Variants in NFYA observed in about 807,000 individuals in gnomAD.
The protein encoded by NFYA is nuclear transcription factor Y subunit alpha.
A neutral mutation model predicts 52.8 loss-of-function variants in NFYA; 28 were observed. The ratio of observed to expected loss-of-function variants is 0.53; its 90% CI spans 0.39 to 0.73. NFYA has a LOEUF of 0.73. Among genes scored for constraint, NFYA ranks in the 30% least tolerant of loss-of-function variants. The pLI, the probability that NFYA is intolerant of heterozygous loss-of-function variation, is 0.00. For synonymous variants in NFYA, 150 were observed against 150.7 expected (o/e 1.00, Z 0.03); for missense variants, 234 against 427.0 (o/e 0.55, Z 3.98).
intron 4 of NFYA, among the ~76,000 whole-genome samples, chr6:41,089,314 A>G (rs1360993745): frequency 6.6e-6 from 1 of 152,150 alleles, no homozygotes; most frequent in Non-Finnish European, 1.5e-5. Flanking sequence ...CATGCTTTTC[A>G]ATATATATAA....
At position 41,101,852 on chromosome 6, in the gene NFYA, G is replaced by A. The variant is rs1163498439; in HGVS notation, c.*4442G>A. 6.6e-6 allele frequency among the ~76,000 whole-genome samples: 1 copy of A among 152,176 alleles called. No homozygotes were observed. The highest frequency in any genetic ancestry group is 1.9e-4 in the East Asian group (1 of 5,190). ...CCCAGTGGCAGCAGCAACCAACCTG[G>A]CCCTTAGTAGTTTCTAAGTTACACC... On this transcript the variant is annotated 3_prime_UTR_variant, in exon 10 of 10. Transcript: ENST00000341376.
Position 41,090,224 on chromosome 6 carries a change from C to T in NFYA, c.462C>T (p.Val154=). 1 of 1,613,382 alleles carries T rather than the reference C, an allele frequency of 6.2e-7. No homozygotes were observed. Residue 154 remains valine (V), a synonymous_variant, in exon 6 of 10, where the codon GTC becomes GTT. Transcript: ENST00000341376. ...TCCAGACACAGCAGCAGATTGCTGT[C>T]CAGGGACAGCAAGTGGCACAGACTG... ...GQTQTQQQIA[V]QGQQVAQTAE... is the part of the protein sequence containing the mutation.
chr6:41,091,174 A>T (rs9296353), intron 6 of NFYA, among the ~76,000 whole-genome samples: 33,112 of 152,138 alleles, frequency 0.22, 5,321 homozygotes, highest in African/African-American at 0.45. Context: ...ATAAGTTTTA[A>T]AATCTCTGTC....
chr6:41,089,730 C>A lies in NFYA; in HGVS notation c.441+20C>A. ...ACTCAGGTAATTCCACTAGCTCTGTCACACAGGAGCAAAACTGATTTGGAA... is the reference window on the plus strand; with the variant it reads ...ACTCAGGTAATTCCACTAGCTCTGTAACACAGGAGCAAAACTGATTTGGAA... On this transcript the variant is annotated intron_variant, in intron 5 of 9. Coordinates refer to ENST00000341376, the MANE Select transcript of NFYA (RefSeq NM_002505.5). 2 of 1,607,360 alleles carry A rather than the reference C, an allele frequency of 1.2e-6. No homozygotes were observed. The highest frequency in any genetic ancestry group is 1.1e-5 in the South Asian group (1 of 90,114).
intron 1 of NFYA, among the ~76,000 whole-genome samples, chr6:41,074,818 C>T (rs943876494): frequency 1.1e-4 from 16 of 152,188 alleles, no homozygotes; most frequent in Non-Finnish European, 2.2e-4. Flanking sequence ...TTTATGGGTT[C>T]TGCCCCGTGA....
intron 2 of NFYA, 145 bp downstream of exon 2, chr6:41,079,309 C>T: frequency 2.8e-6 from 2 of 719,998 alleles, no homozygotes; most frequent in Non-Finnish European, 4.7e-6. Context: ...GCTGAAATGC[C>T]ATGTCTAGCC....
intron 9 of NFYA, among the ~76,000 whole-genome samples, chr6:41,096,496 A>G (rs1321721965): frequency 6.6e-6 from 1 of 152,172 alleles, no homozygotes; most frequent in Non-Finnish European, 1.5e-5. Flanking sequence ...TGTTGTAGGG[A>G]TTTCATTCAG....
At chr6:41,089,380 CCAGA>C (rs1473544954) in intron 4 of NFYA, among the ~76,000 whole-genome samples, 195 bp from the exon 5 acceptor site, 1 of 152,184 alleles carries the variant, frequency 6.6e-6, no homozygotes, top group Non-Finnish European at 1.5e-5. Flanking sequence ...TATCAGGTAT[CCAGA>C]CAGTGTCGAA....
intron 3 of NFYA, among the ~76,000 whole-genome samples, chr6:41,083,621 T>C (rs1017666994): frequency 3.3e-5 from 5 of 152,224 alleles, no homozygotes; most frequent in African/African-American, 1.2e-4. Flanking sequence ...TTCTTCACTT[T>C]ATTTAGAATT....
At chr6:41,074,418 C>T (rs1763669911) in intron 1 of NFYA, among the ~76,000 whole-genome samples, 1 of 152,190 alleles carries the variant, frequency 6.6e-6, no homozygotes, top group Non-Finnish European at 1.5e-5. Context: ...GTAGTTAATA[C>T]CTAACGGTTA....
chr6:41,078,504 GAA>G (rs1561850212), intron 1 of NFYA, among the ~76,000 whole-genome samples: 1 of 152,104 alleles, frequency 6.6e-6, no homozygotes, highest in East Asian at 1.9e-4. Flanking sequence ...ATTTTTTAAT[GAA>G]GTCTTTATTA....
intron 2 of NFYA, among the ~76,000 whole-genome samples, 160 bp downstream of exon 2, chr6:41,079,324 AC>A (rs750056841): frequency 1.5e-4 from 23 of 152,354 alleles, no homozygotes; most frequent in South Asian, 6.2e-4. Flanking sequence ...CTAGCCCATG[AC>A]CACTTAGAAT....
chr6:41,089,872 C>T (rs1432788008), intron 5 of NFYA, among the ~76,000 whole-genome samples, 162 bp downstream of exon 5: 1 of 152,174 alleles, frequency 6.6e-6, no homozygotes, highest in African/African-American at 2.4e-5. Flanking sequence ...GTAATCCCAG[C>T]ACTTTGAGAG....
chr6:41,077,814 T>C (rs550438039), intron 1 of NFYA, among the ~76,000 whole-genome samples: 3 of 152,298 alleles, frequency 2.0e-5, no homozygotes, highest in African/African-American at 4.8e-5. Context: ...TCAAGGGCAG[T>C]GCTTTGGAGA....
In NFYA at chr6:41,101,263, A is replaced by AC. The variant is rs1764495190; in HGVS notation, c.*3854dup. 1 of 152,204 alleles carries AC rather than the reference A, an allele frequency of 6.6e-6. No individual in the cohort carries two copies. The highest frequency in any genetic ancestry group is 2.4e-5 in the African/African-American group (1 of 41,446). The allele number at this position is 152,204 out of a possible 1,614,324, so 9.4% of individuals were successfully genotyped here. On this transcript the variant is annotated 3_prime_UTR_variant, in exon 10 of 10. Transcript: ENST00000341376. Reference sequence around the variant, plus strand: ...TGGGTCTAAGCCCCTGGAGGCCTCGACGGTTACAGGCCTAGCCTCCCGCGA... The same window carrying AC: ...TGGGTCTAAGCCCCTGGAGGCCTCGACCGGTTACAGGCCTAGCCTCCCGCGA...
At chr6:41,081,069 C>T (rs551182200) in intron 3 of NFYA, among the ~76,000 whole-genome samples, 172 bp downstream of exon 3, 1 of 152,300 alleles carries the variant, frequency 6.6e-6, no homozygotes, top group Admixed American at 6.5e-5. Context: ...TATTTCATGC[C>T]AAGTCATATA....
chr6:41,092,873 TTCATGCCACCAATAAGCTCTGGTTTCC>T lies in NFYA; in HGVS notation c.715-37_715-11del, dbSNP rs1358782346. 3.8e-6 allele frequency: 6 copies of T among 1,590,200 alleles called. No homozygotes were observed. Among genetic ancestry groups the T allele is most frequent in the Non-Finnish European group, 5.1e-6 (6 of 1,169,700 alleles). Reference sequence around the variant, plus strand: ...CAAGAAACTGTTTCTATGTCCATACTTCATGCCACCAATAAGCTCTGGTTTCCTGTTCACACAGATGGTTCCTGGGGC... The same window carrying T: ...CAAGAAACTGTTTCTATGTCCATACTTGTTCACACAGATGGTTCCTGGGGC... On this transcript the variant is annotated splice_polypyrimidine_tract_variant and intron_variant, in intron 7 of 9. Coordinates refer to ENST00000341376, the MANE Select transcript of NFYA (RefSeq NM_002505.5).
intron 4 of NFYA, 77 bp from the exon 5 acceptor site, chr6:41,089,502 A>G (rs1764140413): frequency 1.4e-6 from 2 of 1,410,458 alleles, no homozygotes; most frequent in African/African-American, 2.9e-5. Context: ...TTTCTAGAGA[A>G]ATGTGGATAA....
chr6:41,091,717 T>A (rs771918795), intron 7 of NFYA, 23 bp downstream of exon 7: 2 of 1,603,462 alleles, frequency 1.2e-6, no homozygotes, highest in East Asian at 2.2e-5. Flanking sequence ...ATTTTTCAGC[T>A]TTGTCTTTGA....
Sources: allele counts gnomAD v4.1 joint callset (sites outside exome capture counted in the v4.1 genomes callset), GRCh38; gene constraint gnomAD v4.1.1; transcripts MANE v1.5; gene names NCBI Gene and HGNC (gene_info 2026-07-23, HGNC 2026-07-21).